The following CREB3L2 variants were observed in gnomAD, a reference collection of about 807,000 sequenced individuals.
CREB3L2 encodes the protein cAMP responsive element binding protein 3 like 2, also known as cyclic AMP-responsive element-binding protein 3-like protein 2.
Under a neutral mutation model 57.2 loss-of-function variants are expected in CREB3L2, and 23 were observed. The observed-to-expected ratio is 0.40, with a 90% CI of 0.29 to 0.57. CREB3L2 has a LOEUF of 0.57. Ranked by LOEUF, CREB3L2 falls within the 20% of genes least tolerant of loss-of-function variation. The pLI is 0.42. For synonymous variants in CREB3L2, 268 were observed against 265.1 expected (o/e 1.01, Z -0.11); for missense variants, 628 against 634.7 (o/e 0.99, Z 0.11).
chr7:137,964,586 C>G (rs1801379301), intron 1 of CREB3L2, among the ~76,000 whole-genome samples: 1 of 152,132 alleles, frequency 6.6e-6, no homozygotes, highest in African/African-American at 2.4e-5. Context: ...TCCTGCACTC[C>G]CACAAAGATG....
At chr7:137,997,955 C>T (rs1238525766) in intron 1 of CREB3L2, among the ~76,000 whole-genome samples, 1 of 152,254 alleles carries the variant, frequency 6.6e-6, no homozygotes, top group East Asian at 1.9e-4. Context: ...CCAATTTTAG[C>T]CTGTATTCCA....
chr7:138,001,633 C>T lies in CREB3L2; in HGVS notation c.73G>A (p.Gly25Arg). 6.2e-7 allele frequency: 1 copy of T among 1,613,258 alleles called. No homozygotes were observed. The highest frequency in any genetic ancestry group is 1.3e-5 in the African/African-American group (1 of 75,052). Residue 25 changes from glycine (G) to arginine (R), a missense_variant, in exon 1 of 12, where the codon GGG becomes AGG. By Grantham distance (125) the Gly-to-Arg change is moderately radical (BLOSUM62 -2). This residue lies in a region of CREB3L2 where 339 missense variants were observed against 355.4 expected (regional missense o/e 0.95). Transcript: ENST00000330387. The surrounding 1 kb of genome is among the most constrained non-coding windows in gnomAD (Gnocchi z 4.2). ...DRKLSELSEP[G>R]DGEALMYHTH... ...TGGTACATGAGGGCCTCGCCGTCCC[C>T]GGGCTCTGACAGCTCGCTCAGCTTG... is the stretch of plus-strand genomic sequence containing the variant.
chr7:137,969,810 G>A (rs1370390779), intron 1 of CREB3L2, among the ~76,000 whole-genome samples: 1 of 89,396 alleles, frequency 1.1e-5, no homozygotes, highest in Admixed American at 1.0e-4. Flanking sequence ...CACATACGCA[G>A]AAAGACAGAA....
chr7:137,998,580 T>G (rs1436626867), intron 1 of CREB3L2, among the ~76,000 whole-genome samples: 1 of 152,220 alleles, frequency 6.6e-6, no homozygotes, highest in Non-Finnish European at 1.5e-5. Context: ...GTTCTATCAC[T>G]AAATAGCTGT....
chr7:137,893,842 C>A (rs550657366), intron 8 of CREB3L2, among the ~76,000 whole-genome samples: 1 of 152,184 alleles, frequency 6.6e-6, no homozygotes, highest in South Asian at 2.1e-4. Flanking sequence ...GGAAAGTGTA[C>A]AAATGAAGTC....
intron 2 of CREB3L2, among the ~76,000 whole-genome samples, chr7:137,921,326 C>T (rs756642783): frequency 2.2e-4 from 34 of 152,194 alleles, no homozygotes; most frequent in Non-Finnish European, 3.5e-4. Flanking sequence ...AGGTCAAACT[C>T]GACTGGCACA....
Position 138,001,073 on chromosome 7 carries a change from A to G in CREB3L2, c.102+531T>C, listed in dbSNP as rs1802064748. 7.6e-6 allele frequency among the ~76,000 whole-genome samples: 1 copy of G among 132,376 alleles called. No individual in the cohort carries two copies. Among genetic ancestry groups the G allele is most frequent in the Admixed American group, 8.3e-5 (1 of 12,076 alleles). 86.8% of individuals were successfully genotyped at this position (132,376 alleles called of 152,430 possible). A position where few individuals can be genotyped will look rare whatever the true frequency, so the allele number is the denominator to read the frequency against. ...GCCGCCTTTCTCCCTAACGTAGAGG[A>G]GCCCTTTCAACACACACACACACAC... On this transcript the variant is annotated intron_variant, in intron 1 of 11. Coordinates refer to ENST00000330387, the MANE Select transcript of CREB3L2 (RefSeq NM_194071.4). This position sits in a 1 kb window ranked among gnomAD's most constrained non-coding sequence, Gnocchi z 4.2.
intron 1 of CREB3L2, among the ~76,000 whole-genome samples, chr7:137,977,185 A>G (rs945488866): frequency 6.6e-6 from 1 of 152,216 alleles, no homozygotes; most frequent in Non-Finnish European, 1.5e-5. Flanking sequence ...GGAAGTCTGC[A>G]TGGAAATGGG....
At chr7:137,926,377 T>C (rs1329737053) in intron 2 of CREB3L2, among the ~76,000 whole-genome samples, 3 of 152,172 alleles carry the variant, frequency 2.0e-5, no homozygotes, top group Non-Finnish European at 4.4e-5. Context: ...GTAACACATA[T>C]ACACCATGGA....
chr7:137,977,310 A>G (rs1191063624), intron 1 of CREB3L2, among the ~76,000 whole-genome samples: 1 of 152,212 alleles, frequency 6.6e-6, no homozygotes, highest in Non-Finnish European at 1.5e-5. Flanking sequence ...GGCAGAAGCT[A>G]CCGGTAAGCA....
chr7:137,992,627 A>G (rs905066008), intron 1 of CREB3L2, among the ~76,000 whole-genome samples: 6 of 152,228 alleles, frequency 3.9e-5, no homozygotes, highest in African/African-American at 1.4e-4. Context: ...TGAGAACCAG[A>G]TGCACTGAAG....
intron 1 of CREB3L2, among the ~76,000 whole-genome samples, chr7:137,970,101 A>G (rs906343388): frequency 1.3e-5 from 2 of 152,224 alleles, no homozygotes; most frequent in African/African-American, 4.8e-5. Flanking sequence ...CTGGAATACC[A>G]TCTAAAGAGC....
intron 2 of CREB3L2, among the ~76,000 whole-genome samples, chr7:137,927,731 G>A (rs1409847951): frequency 1.3e-5 from 2 of 150,446 alleles, no homozygotes; most frequent in Admixed American, 6.6e-5. Context: ...AGAACATGAT[G>A]GAATTGGGTT....
At chr7:137,883,778 T>G (rs945783708) in intron 10 of CREB3L2, among the ~76,000 whole-genome samples, 1 of 152,188 alleles carries the variant, frequency 6.6e-6, no homozygotes, top group Non-Finnish European at 1.5e-5. Context: ...GTATGTTCAT[T>G]GGCTACAGGT....
rs759092132 is a variant in CREB3L2, at chr7:138,001,725, G to A, written c.-20C>T. ...CTCCATGGCGGTGCGGGCCGCGCTG[G>A]GCCGAGGATGCTAAGCGCAGGAGGG... is the stretch of plus-strand genomic sequence containing the variant. On this transcript the variant is annotated 5_prime_UTR_variant, in exon 1 of 12. Coordinates refer to ENST00000330387, the MANE Select transcript of CREB3L2 (RefSeq NM_194071.4). This position sits in a 1 kb window ranked among gnomAD's most constrained non-coding sequence, Gnocchi z 4.2. 2.5e-6 allele frequency: 4 copies of A among 1,584,300 alleles called. No homozygotes were observed. The highest frequency in any genetic ancestry group is 3.4e-6 in the Non-Finnish European group (4 of 1,165,106).
At position 137,947,423 on chromosome 7, in the gene CREB3L2, T is replaced by C. The variant is rs562219360; in HGVS notation, c.103-19057A>G. 8.5e-5 allele frequency among the ~76,000 whole-genome samples: 13 copies of C among 152,296 alleles called. No individual in the cohort carries two copies. In the South Asian group the frequency reaches 2.5e-3, roughly 29 times the overall value. ...ATTCTTGAGGAGGAAAAATGAATCC[T>C]GAAGAGAAACAGGAGAGCTGGAGAA... On this transcript the variant is annotated intron_variant, in intron 1 of 11. Coordinates refer to ENST00000330387, the MANE Select transcript of CREB3L2 (RefSeq NM_194071.4).
intron 1 of CREB3L2, among the ~76,000 whole-genome samples, chr7:137,958,502 CA>C (rs575260981): frequency 1.6e-3 from 239 of 148,894 alleles, no homozygotes; most frequent in Non-Finnish European, 3.0e-3. Context: ...CCTGCCTGTT[CA>C]AAAAAAAAGA....
At chr7:137,926,281 C>T (rs776774918) in intron 2 of CREB3L2, among the ~76,000 whole-genome samples, 5 of 152,070 alleles carry the variant, frequency 3.3e-5, no homozygotes, top group African/African-American at 7.2e-5. Flanking sequence ...CACATGCACG[C>T]GTATGTTTAT....
intron 2 of CREB3L2, among the ~76,000 whole-genome samples, chr7:137,916,420 T>C (rs1800133569): frequency 6.6e-6 from 1 of 152,030 alleles, no homozygotes; most frequent in Non-Finnish European, 1.5e-5. Context: ...TTTAAAAACA[T>C]GAAAGAAAGA....
Sources: gnomAD v4.1 joint callset for allele counts (sites outside exome capture counted in the v4.1 genomes callset) on GRCh38, gnomAD v4.1.1 for gene constraint, gnomAD v4.1.1 regional missense constraint, Gnocchi (gnomAD v3.1) non-coding constraint, MANE v1.5 for transcripts, NCBI Gene and HGNC (gene_info 2026-07-23, HGNC 2026-07-21) for gene names.